SETD1B: variants seen among roughly 807,000 people sequenced by gnomAD.
The protein encoded by SETD1B is histone-lysine N-methyltransferase SETD1B.
A neutral mutation model predicts 148.0 loss-of-function variants in SETD1B; 7 were observed. The ratio of observed to expected loss-of-function variants is 0.05; its 90% CI spans 0.03 to 0.09. The LOEUF (loss-of-function observed/expected upper bound fraction) is 0.09. Ranked by LOEUF, SETD1B falls within the 10% of genes least tolerant of loss-of-function variation. The pLI is 1.00. For synonymous variants in SETD1B, 1,361 were observed against 1,186.5 expected, an observed-to-expected ratio of 1.15 and a Z score of -3.02; for missense variants, 2,155 against 2,729.9, an observed-to-expected ratio of 0.79 and a Z score of 4.69.
upstream of SETD1B, chr12:121,799,048 A>C (rs1875163503): frequency 6.6e-6 from 1 of 152,272 alleles, no homozygotes; most frequent in Non-Finnish European, 1.5e-5. Context: ...TAGAAATGCC[A>C]GTCCTAAGGA....
upstream of SETD1B, chr12:121,800,950 TGCCCGGCTGGGCCCGCCTGCCAGACCA>T (rs1379927672): frequency 1.3e-5 from 2 of 152,014 alleles, no homozygotes; most frequent in Non-Finnish European, 2.9e-5. Flanking sequence ...AAAGCAGCCC[TGCCCGGCTGGGCCCGCCTGCCAGACCA>T]GCCCGGCCCA....
At chr12:121,814,018 C>A in intron 6 of SETD1B, 88 bp from the exon 7 acceptor site, 1 of 1,085,810 alleles carries the variant, frequency 9.2e-7, no homozygotes, top group Non-Finnish European at 1.3e-6. Flanking sequence ...GCTGGGAGTG[C>A]CACTGATTGC....
Position 121,805,067 on chromosome 12 carries a change from T to A in SETD1B, c.175-51T>A. 1 of 1,528,970 alleles carries A rather than the reference T, an allele frequency of 6.5e-7. No individual in the cohort carries two copies. The highest frequency in any genetic ancestry group is 8.9e-7 in the Non-Finnish European group (1 of 1,127,110). 94.7% of individuals were successfully genotyped at this position (1,528,970 alleles called of 1,614,324 possible). The stretch of plus-strand genomic sequence containing the variant: ...GTGCCTCGAGAAAGGGGTCTGCCCA[T>A]GGGGAGGGGGACCAGTTCTCTCATC... On this transcript the variant is annotated intron_variant, in intron 2 of 16. Transcript: ENST00000604567. The surrounding 1 kb of genome is among the most constrained non-coding windows in gnomAD (Gnocchi z 4.2).
chr12:121,794,565 C>T, the SETD1B span, among the ~76,000 whole-genome samples: 5 of 152,220 alleles, frequency 3.3e-5, no homozygotes, highest in African/African-American at 4.8e-5. Flanking sequence ...AAATGCGTTT[C>T]CTTGCCAGCA....
chr12:121,804,628 G>T lies in SETD1B; in HGVS notation c.-14-96G>T. Reference sequence around the variant, plus strand: ...TCGGGGCGCGCTGGCAAGGTGGGAGGGGGTGGGGGCCTGCCGATTGGATTC... The same window carrying T: ...TCGGGGCGCGCTGGCAAGGTGGGAGTGGGTGGGGGCCTGCCGATTGGATTC... On this transcript the variant is annotated intron_variant, in intron 1 of 16. Transcript: ENST00000604567. The surrounding 1 kb of genome is among the most constrained non-coding windows in gnomAD (Gnocchi z 4.6). 2.8e-6 allele frequency: 3 copies of T among 1,053,104 alleles called. No individual in the cohort carries two copies. The African/African-American group carries it at 4.8e-5, about 17-fold the overall frequency. The allele number at this position is 1,053,104 out of a possible 1,614,324, so 65.2% of individuals were successfully genotyped here.
At chr12:121,807,477 G>GA (rs1308405813) in intron 4 of SETD1B, among the ~76,000 whole-genome samples, 3 of 147,234 alleles carry the variant, frequency 2.0e-5, no homozygotes, top group South Asian at 2.1e-4. Flanking sequence ...GAAAAGAAAA[G>GA]AAAAAAAACA....
At chr12:121,806,384 C>A (rs945346041) in intron 4 of SETD1B, among the ~76,000 whole-genome samples, 1 of 152,160 alleles carries the variant, frequency 6.6e-6, no homozygotes, top group African/African-American at 2.4e-5. Context: ...CCCCGCGGGC[C>A]CCCTCTCTGA....
chr12:121,822,107 C>A (rs1257593134), intron 11 of SETD1B, among the ~76,000 whole-genome samples: 1 of 152,168 alleles, frequency 6.6e-6, no homozygotes, highest in Non-Finnish European at 1.5e-5. Context: ...GAAGTGTATC[C>A]TGTGACAGTG....
rs1875659146 is a variant in SETD1B, at chr12:121,805,074, G to A, written c.175-44G>A. The A allele has an allele frequency of 1.3e-6, 2 of 1,534,172 alleles. No individual in the cohort carries two copies. Among genetic ancestry groups the A allele is most frequent in the African/African-American group, 1.4e-5 (1 of 72,638 alleles). ...GAGAAAGGGGTCTGCCCATGGGGAG[G>A]GGGACCAGTTCTCTCATCCCGGCCC... On this transcript the variant is annotated intron_variant, in intron 2 of 16. Transcript: ENST00000604567. The surrounding 1 kb of genome is among the most constrained non-coding windows in gnomAD (Gnocchi z 4.2).
rs1439059368 is a variant in SETD1B, at chr12:121,808,387, CT to C, written c.657+68del. 9.5e-7 allele frequency: 1 copy of C among 1,053,346 alleles called. No homozygotes were observed. The highest frequency in any genetic ancestry group is 1.4e-6 in the Non-Finnish European group (1 of 709,820). The allele number at this position is 1,053,346 out of a possible 1,614,324, so 65.2% of individuals were successfully genotyped here. ...GATGTGCCCCCCACCTCTGGAAAGC[CT>C]CACCAACTCTCTTATGGGACCCCCA... is the stretch of plus-strand genomic sequence containing the variant. On this transcript the variant is annotated intron_variant, in intron 5 of 16. Transcript: ENST00000604567. The surrounding 1 kb of genome is among the most constrained non-coding windows in gnomAD (Gnocchi z 5.3).
the SETD1B span, chr12:121,797,509 A>AG: frequency 4.4e-6 from 2 of 456,468 alleles, no homozygotes; most frequent in African/African-American, 4.0e-5. Context: ...AAGCAGAGAG[A>AG]GAGGGGTACA....
rs549793280 is a variant in SETD1B, at chr12:121,804,927, GC to G, written c.174+23del. On this transcript the variant is annotated intron_variant, in intron 2 of 16. Coordinates refer to ENST00000604567, the MANE Select transcript of SETD1B (RefSeq NM_001353345.2). This position sits in a 1 kb window ranked among gnomAD's most constrained non-coding sequence, Gnocchi z 4.6. Reference sequence around the variant, plus strand: ...CAGCCTGGCGGTGAGTAGCCGGCGCGCCCCCCCAGCCGTGCCCCGCGTCGTG... The same window carrying G: ...CAGCCTGGCGGTGAGTAGCCGGCGCGCCCCCCAGCCGTGCCCCGCGTCGTG... 8 of 1,481,528 alleles carry G rather than the reference GC, an allele frequency of 5.4e-6. No homozygotes were observed. In the Admixed American group the frequency reaches 7.4e-5, roughly 14 times the overall value. 91.8% of individuals were successfully genotyped at this position (1,481,528 alleles called of 1,614,324 possible).
At chr12:121,797,192 C>G in the SETD1B span, 1 of 350,660 alleles carries the variant, frequency 2.9e-6, no homozygotes, top group African/African-American at 2.2e-5. Context: ...TGTCTCCACC[C>G]AGAGGGTCCG....
chr12:121,804,632 T>TG lies in SETD1B; in HGVS notation c.-14-87dup. 1.9e-6 allele frequency: 2 copies of TG among 1,077,254 alleles called. No homozygotes were observed. The highest frequency in any genetic ancestry group is 2.7e-5 in the East Asian group (1 of 36,574). 66.7% of individuals were successfully genotyped at this position (1,077,254 alleles called of 1,614,324 possible). A position where few individuals can be genotyped will look rare whatever the true frequency, so the allele number is the denominator to read the frequency against. On this transcript the variant is annotated intron_variant, in intron 1 of 16. Transcript: ENST00000604567. The surrounding 1 kb of genome is among the most constrained non-coding windows in gnomAD (Gnocchi z 4.6). Reference sequence around the variant, plus strand: ...GGCGCGCTGGCAAGGTGGGAGGGGGTGGGGGCCTGCCGATTGGATTCTTTC... The same window carrying TG: ...GGCGCGCTGGCAAGGTGGGAGGGGGTGGGGGGCCTGCCGATTGGATTCTTTC...
Position 121,810,226 on chromosome 12 carries a change from G to A in SETD1B, c.1281G>A (p.Glu427=). The part of the protein sequence containing the change: ...TAAFGARDSG[E]FRRAPAPPPL... ...CTTTTGGGGCCCGCGACAGTGGGGA[G>A]TTCCGGAGGGCACCGGCGCCCCCAC... The change falls in exon 6 of 17, where the codon GAG becomes GAA. Residue 427 remains glutamate, a synonymous_variant. Coordinates refer to ENST00000604567, the MANE Select transcript of SETD1B (RefSeq NM_001353345.2). This position sits in a 1 kb window ranked among gnomAD's most constrained non-coding sequence, Gnocchi z 7.6. 1 of 1,548,772 alleles carries A rather than the reference G, an allele frequency of 6.5e-7. No individual in the cohort carries two copies. Among genetic ancestry groups the A allele is most frequent in the Non-Finnish European group, 8.7e-7 (1 of 1,146,844 alleles).
At position 121,822,818 on chromosome 12, in the gene SETD1B, G is replaced by T. The variant is rs915292054; in HGVS notation, c.4239G>T (p.Pro1413=). ...VPGSPFSYPA[P]SPSLSSGGLP... ...GCAGCCCCTTCTCCTACCCAGCCCC[G>T]TCCCCTAGCTTGAGCAGTGGGGGCC... Residue 1413 remains proline, a synonymous_variant, in exon 12 of 17, where the codon CCG becomes CCT. Coordinates refer to ENST00000604567, the MANE Select transcript of SETD1B (RefSeq NM_001353345.2). 2.0e-6 allele frequency: 3 copies of T among 1,501,516 alleles called. No homozygotes were observed. The highest frequency in any genetic ancestry group is 1.4e-5 in the African/African-American group (1 of 71,762). The allele number at this position is 1,501,516 out of a possible 1,614,324, so 93.0% of individuals were successfully genotyped here. A position where few individuals can be genotyped will look rare whatever the true frequency, so the allele number is the denominator to read the frequency against.
In SETD1B at chr12:121,822,685, G is replaced by A; in HGVS notation, c.4106G>A (p.Ser1369Asn). 6.5e-7 allele frequency: 1 copy of A among 1,541,116 alleles called. No homozygotes were observed. Among genetic ancestry groups the A allele is most frequent in the Non-Finnish European group, 8.8e-7 (1 of 1,139,418 alleles). Residue 1369 changes from serine (S) to asparagine (N), a missense_variant, in exon 12 of 17, where the codon AGC becomes AAC. Coordinates refer to ENST00000604567, the MANE Select transcript of SETD1B (RefSeq NM_001353345.2). Reference sequence around the variant, plus strand: ...CCGCATACTCCAGGCCTCTGTGGCAGCCTGGCCAAGTCGCAGAGCACAGAG... The same window carrying A: ...CCGCATACTCCAGGCCTCTGTGGCAACCTGGCCAAGTCGCAGAGCACAGAG... Reference protein sequence around the residue: ...HPPHTPGLCGSLAKSQSTETV... With the variant: ...HPPHTPGLCGNLAKSQSTETV...
At position 121,814,607 on chromosome 12, in the gene SETD1B, A is replaced by G. The variant is rs907702608; in HGVS notation, c.2392A>G (p.Met798Val). Residue 798 changes from methionine to valine, a missense_variant, in exon 7 of 17, where the codon ATG becomes GTG. Around this residue, in one of 11 missense-constraint regions of SETD1B, gnomAD observed 289 missense variants for 423.7 expected, o/e 0.68. Transcript: ENST00000604567. ...GGGCGCCTGCCCCTACCCGCCCTTC[A>G]TGGCCGCTGCGGCCGCCGCTGCCTC... ...GQGACPYPPFMAAAAAAASAG... is the reference protein window; with the variant it reads ...GQGACPYPPFVAAAAAAASAG... 7 of 1,540,218 alleles carry G rather than the reference A, an allele frequency of 4.5e-6. No individual in the cohort carries two copies. The highest frequency in any genetic ancestry group is 4.1e-5 in the African/African-American group (3 of 72,410).
rs1330198472 is a variant in SETD1B, at chr12:121,817,177, C to T, written c.2860C>T (p.Arg954Cys). The change falls in exon 8 of 17, where the codon CGT becomes TGT. Residue 954 changes from arginine (R) to cysteine (C), a missense_variant. By Grantham distance (180) the Arg-to-Cys change is radical. Coordinates refer to ENST00000604567, the MANE Select transcript of SETD1B (RefSeq NM_001353345.2). This position sits in a 1 kb window ranked among gnomAD's most constrained non-coding sequence, Gnocchi z 8.1. ...GGGCCTGGGCCTGGGCATTGGGCTG[C>T]GTGGGGCCATTCGCCTGCCCTCCTT... ...YEGLGLGIGLRGAIRLPSFKV... is the reference protein window; with the variant it reads ...YEGLGLGIGLCGAIRLPSFKV... 3.2e-6 allele frequency: 5 copies of T among 1,549,772 alleles called. No individual in the cohort carries two copies. The highest frequency in any genetic ancestry group is 2.4e-5 in the East Asian group (1 of 40,900).
Sources: allele counts gnomAD v4.1 joint callset (sites outside exome capture counted in the v4.1 genomes callset), GRCh38; gene constraint gnomAD v4.1.1; regional missense constraint gnomAD v4.1.1; non-coding constraint Gnocchi (gnomAD v3.1); transcripts MANE v1.5; gene names NCBI Gene and HGNC (gene_info 2026-07-23, HGNC 2026-07-21).